The following FBN1 variants were observed in gnomAD, a reference collection of about 807,000 sequenced individuals.
The protein encoded by FBN1 is fibrillin-1.
Under a neutral mutation model 365.1 loss-of-function variants are expected in FBN1, and 29 were observed. That is an observed-to-expected ratio of 0.08 (90% CI 0.06 to 0.11). FBN1 has a LOEUF of 0.11. Ranked by LOEUF, FBN1 falls within the 10% of genes least tolerant of loss-of-function variation. The pLI is 1.00. For synonymous variants in FBN1, 1,210 were observed against 1,270.5 expected, an observed-to-expected ratio of 0.95 and a Z score of 1.01; for missense variants, 2,476 against 3,703.2, an observed-to-expected ratio of 0.67 and a Z score of 8.60.
chr15:48,585,471 T>A (rs988100650), intron 6 of FBN1, among the ~76,000 whole-genome samples: 2 of 152,212 alleles, frequency 1.3e-5, no homozygotes, highest in Non-Finnish European at 2.9e-5. Context: ...TATTTCCATA[T>A]AACATACACA....
chr15:48,489,703 T>A (rs1189269158), intron 25 of FBN1, 148 bp downstream of exon 25: 1 of 723,884 alleles, frequency 1.4e-6, no homozygotes, highest in Non-Finnish European at 2.4e-6. Context: ...AAACAAAAAG[T>A]TCATACTTTT....
At position 48,441,857 on chromosome 15, in the gene FBN1, C is replaced by T; in HGVS notation, c.6038-11G>A. On this transcript the variant is annotated splice_polypyrimidine_tract_variant and intron_variant, in intron 49 of 65. Transcript: ENST00000316623. ...CACACTCATCAATATCTAAAAGAAT[C>T]ACATGAGTCAAACAAAGTCAAAACA... is the stretch of plus-strand genomic sequence containing the variant. 2 of 1,612,828 alleles carry T rather than the reference C, an allele frequency of 1.2e-6. 1 individual carries two copies. The highest frequency in any genetic ancestry group is 2.2e-5 in the South Asian group (2 of 91,034).
intron 30 of FBN1, among the ~76,000 whole-genome samples, chr15:48,485,005 A>AT (rs1430809342): frequency 6.6e-5 from 10 of 152,174 alleles, no homozygotes; most frequent in Non-Finnish European, 1.0e-4. Context: ...GAGATTTTAC[A>AT]TTTTTTTAAC....
intron 2 of FBN1, among the ~76,000 whole-genome samples, chr15:48,628,251 G>C (rs1170576101): frequency 6.7e-6 from 1 of 149,506 alleles, no homozygotes; most frequent in Non-Finnish European, 1.5e-5. Context: ...GTAATTTTCA[G>C]AATCTTTCAT....
chr15:48,542,197 C>G lies in FBN1; in HGVS notation c.539-4389G>C, dbSNP rs918081627. Among the ~76,000 whole-genome samples the G allele has an allele frequency of 4.6e-5, 7 of 152,198 alleles. No homozygotes were observed. The South Asian group carries it at 1.0e-3, about 23-fold the overall frequency. ...TATTTCACTTTCATTTGTAATCAGACTTCACCCCGAAGCAAATGCATCGTT... is the reference window on the plus strand; with the variant it reads ...TATTTCACTTTCATTTGTAATCAGAGTTCACCCCGAAGCAAATGCATCGTT... On this transcript the variant is annotated intron_variant, in intron 6 of 65. Transcript: ENST00000316623.
At chr15:48,423,236 G>A (rs1320155382) in intron 60 of FBN1, among the ~76,000 whole-genome samples, 2 of 152,296 alleles carry the variant, frequency 1.3e-5, no homozygotes, top group East Asian at 3.9e-4. Context: ...CAACCACTAT[G>A]CCCTCACCAT....
chr15:48,586,575 AT>A (rs1257532879), intron 6 of FBN1, among the ~76,000 whole-genome samples: 1 of 152,186 alleles, frequency 6.6e-6, no homozygotes, highest in Non-Finnish European at 1.5e-5. Context: ...AGTTATCGGT[AT>A]TTAATGGGAT....
chr15:48,589,453 C>T (rs373453349), intron 6 of FBN1, among the ~76,000 whole-genome samples: 39 of 152,098 alleles, frequency 2.6e-4, no homozygotes, highest in South Asian at 1.9e-3. Context: ...CACAAAAAAA[C>T]GAGTGTGTGT....
intron 5 of FBN1, among the ~76,000 whole-genome samples, chr15:48,596,725 T>C (rs1380864495): frequency 6.6e-6 from 1 of 152,238 alleles, no homozygotes; most frequent in African/African-American, 2.4e-5. Flanking sequence ...TTACGTTTAA[T>C]TGCAACAGGG....
At chr15:48,645,243 T>C (rs1030240347) in intron 1 of FBN1, among the ~76,000 whole-genome samples, 3 of 152,110 alleles carry the variant, frequency 2.0e-5, no homozygotes, top group African/African-American at 7.2e-5. Context: ...TTATTTTTTT[T>C]AGCGGCACGA....
intron 6 of FBN1, among the ~76,000 whole-genome samples, chr15:48,568,034 AAAGAAAGAAAGAAAG>A (rs1359522089): frequency 0.029 from 2,997 of 103,768 alleles, 82 homozygotes; most frequent in Non-Finnish European, 0.033. Flanking sequence ...AGAAAGAAAG[AAAGAAAGAAAGAAAG>A]AAGAAAGAAA....
intron 6 of FBN1, among the ~76,000 whole-genome samples, chr15:48,546,413 C>A (rs902409370): frequency 6.6e-6 from 1 of 152,216 alleles, no homozygotes; most frequent in Non-Finnish European, 1.5e-5. Context: ...AGGATGAGCA[C>A]AAGCCAGCTG....
chr15:48,489,108 C>T (rs1043813193), intron 25 of FBN1, among the ~76,000 whole-genome samples: 1 of 151,462 alleles, frequency 6.6e-6, no homozygotes, highest in African/African-American at 2.4e-5. Context: ...GTGCTTGGCT[C>T]ACTGCAACCT....
intron 60 of FBN1, among the ~76,000 whole-genome samples, chr15:48,423,484 G>A (rs1043519611): frequency 5.9e-5 from 9 of 152,198 alleles, no homozygotes; most frequent in Non-Finnish European, 8.8e-5. Flanking sequence ...CTGTGGACTG[G>A]TTTCCCCTGT....
intron 6 of FBN1, among the ~76,000 whole-genome samples, chr15:48,573,959 C>T (rs2044325793): frequency 6.6e-6 from 1 of 152,244 alleles, no homozygotes; most frequent in Non-Finnish European, 1.5e-5. Context: ...TGCAGCCTTG[C>T]AGAGCCCTGG....
At chr15:48,434,953 C>A (rs902743236) in intron 53 of FBN1, among the ~76,000 whole-genome samples, 1 of 152,138 alleles carries the variant, frequency 6.6e-6, no homozygotes, top group Admixed American at 6.5e-5. Context: ...CACATCACCA[C>A]GCTCAGGTAA....
intron 6 of FBN1, among the ~76,000 whole-genome samples, chr15:48,538,097 T>C (rs1218552620): frequency 6.6e-6 from 1 of 152,222 alleles, no homozygotes; most frequent in Non-Finnish European, 1.5e-5. Context: ...TGAATTGCTA[T>C]ACAAATGTAA....
intron 10 of FBN1, among the ~76,000 whole-genome samples, chr15:48,518,325 C>T (rs920642687): frequency 2.0e-5 from 3 of 152,208 alleles, no homozygotes; most frequent in Non-Finnish European, 4.4e-5. Flanking sequence ...TCATCTCTAA[C>T]TCATGACTAG....
At position 48,492,592 on chromosome 15, in the gene FBN1, A is replaced by G; in HGVS notation, c.2729-6T>C. 6.3e-7 allele frequency: 1 copy of G among 1,577,018 alleles called. No homozygotes were observed. Among genetic ancestry groups the G allele is most frequent in the Non-Finnish European group, 8.7e-7 (1 of 1,148,346 alleles). On this transcript the variant is annotated splice_region_variant and splice_polypyrimidine_tract_variant and intron_variant, in intron 23 of 65. Coordinates refer to ENST00000316623, the MANE Select transcript of FBN1 (RefSeq NM_000138.5). Reference sequence around the variant, plus strand: ...CACTTCACATTCATCTATATCTAAAAAGAAAAAAAAAGTATAAAGTTAATA... The same window carrying G: ...CACTTCACATTCATCTATATCTAAAGAGAAAAAAAAAGTATAAAGTTAATA...
Sources: gnomAD v4.1 joint callset for allele counts (sites outside exome capture counted in the v4.1 genomes callset) on GRCh38, gnomAD v4.1.1 for gene constraint, MANE v1.5 for transcripts, NCBI Gene and HGNC (gene_info 2026-07-23, HGNC 2026-07-21) for gene names.